Variants in MORC4 observed in about 807,000 individuals in gnomAD.
MORC4 encodes the protein MORC family CW-type zinc finger 4.
Under a neutral mutation model 65.5 loss-of-function variants are expected in MORC4, and 22 were observed. That is an observed-to-expected ratio of 0.34 (90% CI 0.24 to 0.48). MORC4 has a LOEUF of 0.48. MORC4 is among the 20% of genes least tolerant of loss of function. MORC4 has a pLI of 0.99. For missense variants in MORC4, 624 were observed against 703.0 expected (o/e 0.89, Z 1.27); for synonymous variants, 267 against 255.8 (o/e 1.04, Z -0.42).
intron 13 of MORC4, 44 bp downstream of exon 13, chrX:106,956,436 G>A: frequency 9.2e-7 from 1 of 1,088,060 alleles, no homozygotes; most frequent in Non-Finnish European, 1.3e-6. Context: ...TTCTGTTGGG[G>A]AAAATGTTGT....
At chrX:106,988,433 G>A (rs1450581246) in intron 3 of MORC4, among the ~76,000 whole-genome samples, 1 of 111,680 alleles carries the variant, frequency 9.0e-6, no homozygotes, top group Admixed American at 9.5e-5. Flanking sequence ...GCCAGAACCA[G>A]AATGGAAAAG....
chrX:106,984,896 C>T (rs973132418), intron 5 of MORC4, among the ~76,000 whole-genome samples, 200 bp downstream of exon 5: 27 of 110,990 alleles, frequency 2.4e-4, no homozygotes, highest in African/African-American at 8.5e-4. Flanking sequence ...AGGCCAAGCA[C>T]AGTGGCTCAC....
intron 3 of MORC4, among the ~76,000 whole-genome samples, chrX:106,988,178 C>T (rs1336233096): frequency 1.8e-5 from 2 of 112,088 alleles, no homozygotes; most frequent in Non-Finnish European, 3.8e-5. Context: ...AAATAGTAAT[C>T]TTACACATCA....
At chrX:106,959,469 G>A (rs919651586) in intron 10 of MORC4, among the ~76,000 whole-genome samples, 3 of 110,678 alleles carry the variant, frequency 2.7e-5, no homozygotes, top group Admixed American at 9.7e-5. Context: ...AGAGTGGTGC[G>A]GTTCTTTTAT....
chrX:106,968,062 G>C (rs1308329114), intron 9 of MORC4, among the ~76,000 whole-genome samples: 1 of 112,032 alleles, frequency 8.9e-6, no homozygotes, highest in African/African-American at 3.2e-5. Flanking sequence ...AGAGCAGCCA[G>C]AGAGAAAGGG....
intron 9 of MORC4, among the ~76,000 whole-genome samples, chrX:106,974,076 C>T (rs969130111): frequency 1.8e-5 from 2 of 111,760 alleles, no homozygotes; most frequent in Non-Finnish European, 3.8e-5. Flanking sequence ...CCTCATGGCT[C>T]TCCTATGAAT....
At chrX:106,969,565 TAG>T (rs1192055134) in intron 9 of MORC4, among the ~76,000 whole-genome samples, 1 of 111,331 alleles carries the variant, frequency 9.0e-6, no homozygotes, top group African/African-American at 3.3e-5. Flanking sequence ...AGCAACGAAA[TAG>T]ACAGACTGCT....
At chrX:106,948,609 G>C (rs949569091) in intron 14 of MORC4, among the ~76,000 whole-genome samples, 4 of 111,559 alleles carry the variant, frequency 3.6e-5, no homozygotes, top group African/African-American at 1.3e-4. Flanking sequence ...AGTATTTCTT[G>C]TAAGGCAGGT....
intron 7 of MORC4, among the ~76,000 whole-genome samples, chrX:106,978,942 A>T (rs1480912534): frequency 9.0e-6 from 1 of 111,725 alleles, no homozygotes; most frequent in Non-Finnish European, 1.9e-5. Flanking sequence ...TGAAATGAAG[A>T]CAACTGATTA....
At position 106,940,846 on chromosome X, in the gene MORC4, T is replaced by C. The variant is rs186756608; in HGVS notation, c.*633A>G. The C allele has an allele frequency of 1.8e-5, 2 of 112,006 alleles. No individual in the cohort carries two copies. The highest frequency in any genetic ancestry group is 5.6e-4 in the East Asian group (2 of 3,557). The allele number at this position is 112,006 out of a possible 1,213,427, so 9.2% of individuals were successfully genotyped here. ...AGAAGAAAAATATCAACCATAGTCCTACCACCTAAAGAACACTCACTGACA... is the reference window on the plus strand; with the variant it reads ...AGAAGAAAAATATCAACCATAGTCCCACCACCTAAAGAACACTCACTGACA... On this transcript the variant is annotated 3_prime_UTR_variant, in exon 17 of 17. Transcript: ENST00000355610.
intron 9 of MORC4, among the ~76,000 whole-genome samples, chrX:106,967,781 GAAAC>G (rs969264477): frequency 1.6e-4 from 18 of 111,930 alleles, no homozygotes; most frequent in African/African-American, 5.8e-4. Flanking sequence ...AGAGTGAAAA[GAAAC>G]AAACAAAGCC....
chrX:106,950,568 G>A (rs181979624), intron 14 of MORC4, among the ~76,000 whole-genome samples: 26 of 112,311 alleles, frequency 2.3e-4, no homozygotes, highest in African/African-American at 7.1e-4. Context: ...GAGCAAGCTC[G>A]GGTAGGAACA....
At chrX:106,966,968 C>T (rs1234700096) in intron 9 of MORC4, among the ~76,000 whole-genome samples, 1 of 112,127 alleles carries the variant, frequency 8.9e-6, no homozygotes. Context: ...CCAAGCACAG[C>T]GTTCAAGTTC....
chrX:106,999,549 C>G, intron 2 of MORC4, 128 bp downstream of exon 2: 1 of 517,328 alleles, frequency 1.9e-6, no homozygotes, highest in Non-Finnish European at 2.8e-6. Context: ...GAGCCGGGGC[C>G]GGTTCCGAGG....
Position 106,986,160 on chromosome X carries a change from G to A in MORC4, c.349C>T (p.Pro117Ser), listed in dbSNP as rs1934866298. The A allele has an allele frequency of 8.3e-7, 1 of 1,208,838 alleles. No individual in the cohort carries two copies. Among genetic ancestry groups the A allele is most frequent in the Non-Finnish European group, 1.1e-6 (1 of 894,000 alleles). ...TDKVIKKSQC[P>S]IGVFGNGFKS... ...AAACCATTACCAAAGACCCCAATGG[G>A]ACACTGGCTCTTCTTTATTACTTTA... Residue 117 changes from proline to serine, a missense_variant, in exon 4 of 17, where the codon CCC becomes TCC. Physicochemically the swap from Pro to Ser is moderately conservative, Grantham distance 74. Coordinates refer to ENST00000355610, the MANE Select transcript of MORC4 (RefSeq NM_024657.5).
At chrX:106,972,709 C>T (rs754799164) in intron 9 of MORC4, among the ~76,000 whole-genome samples, 3 of 111,860 alleles carry the variant, frequency 2.7e-5, no homozygotes, top group Non-Finnish European at 5.6e-5. Flanking sequence ...GAGACCGAGG[C>T]AGGCAGATCA....
Position 106,947,593 on chromosome X carries a change from T to TA in MORC4, c.1686-4389dup, listed in dbSNP as rs759350395. 6.1e-3 allele frequency among the ~76,000 whole-genome samples: 488 copies of TA among 80,001 alleles called. 8 individuals are homozygous for TA. Among genetic ancestry groups the TA allele is most frequent in the African/African-American group, 0.021 (467 of 22,222 alleles). The allele number at this position is 80,001 out of a possible 115,157, so 69.5% of individuals were successfully genotyped here. A position where few individuals can be genotyped will look rare whatever the true frequency, so the allele number is the denominator to read the frequency against. The stretch of plus-strand genomic sequence containing the variant: ...ATATTATATATATATATATATATAA[T>TA]ATATATATATATAAAACACACTTTA... On this transcript the variant is annotated intron_variant, in intron 14 of 16. Coordinates refer to ENST00000355610, the MANE Select transcript of MORC4 (RefSeq NM_024657.5).
intron 13 of MORC4, 24 bp downstream of exon 13, chrX:106,956,456 A>C (rs1215203910): frequency 8.6e-7 from 1 of 1,166,436 alleles, no homozygotes; most frequent in African/African-American, 1.8e-5. Flanking sequence ...TGTGAGAACA[A>C]TAAGGGTGTG....
At chrX:106,999,607 T>C in intron 2 of MORC4, 70 bp downstream of exon 2, 1 of 921,746 alleles carries the variant, frequency 1.1e-6, no homozygotes, top group Non-Finnish European at 1.4e-6. Context: ...CGCATTCCTC[T>C]CGCGTCCGCG....
Sources: gnomAD v4.1 joint callset for allele counts (sites outside exome capture counted in the v4.1 genomes callset) on GRCh38, gnomAD v4.1.1 for gene constraint, MANE v1.5 for transcripts, NCBI Gene and HGNC (gene_info 2026-07-23, HGNC 2026-07-21) for gene names.